ANKRD44: variants seen among roughly 807,000 people sequenced by gnomAD.
ANKRD44 encodes the protein serine/threonine-protein phosphatase 6 regulatory ankyrin repeat subunit B.
A neutral mutation model predicts 116.0 loss-of-function variants in ANKRD44; 35 were observed. That is an observed-to-expected ratio of 0.30 (90% CI 0.23 to 0.40). ANKRD44 has a LOEUF of 0.40. Among genes scored for constraint, ANKRD44 ranks in the 10% least tolerant of loss-of-function variants. The pLI is 1.00. For missense variants in ANKRD44, 1,014 were observed against 1,242.6 expected, an observed-to-expected ratio of 0.82 and a Z score of 2.77; for synonymous variants, 435 against 461.8, an observed-to-expected ratio of 0.94 and a Z score of 0.74.
intron 16 of ANKRD44, among the ~76,000 whole-genome samples, chr2:197,048,979 T>C (rs547124964): frequency 6.6e-6 from 1 of 152,344 alleles, no homozygotes; most frequent in Non-Finnish European, 1.5e-5. Flanking sequence ...TGCATAAATG[T>C]CTTCTTTGGA....
At chr2:197,192,850 T>C (rs974156707) in intron 1 of ANKRD44, among the ~76,000 whole-genome samples, 1 of 152,194 alleles carries the variant, frequency 6.6e-6, no homozygotes, top group African/African-American at 2.4e-5. Context: ...TTAAGTACCA[T>C]AAGGACAATA....
chr2:197,195,982 T>C (rs2080939069), intron 1 of ANKRD44, among the ~76,000 whole-genome samples: 1 of 152,192 alleles, frequency 6.6e-6, no homozygotes, highest in Non-Finnish European at 1.5e-5. Context: ...AGAAAGCTAA[T>C]TTGGGCAAAA....
intron 15 of ANKRD44, among the ~76,000 whole-genome samples, chr2:197,080,887 G>A (rs2077778670): frequency 6.6e-6 from 1 of 152,196 alleles, no homozygotes; most frequent in Non-Finnish European, 1.5e-5. Context: ...GATTCCACAG[G>A]GGTGAGGCAC....
intron 1 of ANKRD44, among the ~76,000 whole-genome samples, chr2:197,215,057 G>A (rs1328578343): frequency 6.6e-6 from 1 of 152,074 alleles, no homozygotes; most frequent in Non-Finnish European, 1.5e-5. Context: ...TGTATTTTTA[G>A]TAGAGACAGG....
At chr2:197,246,175 T>G (rs1249779876) in intron 1 of ANKRD44, among the ~76,000 whole-genome samples, 2 of 151,854 alleles carry the variant, frequency 1.3e-5, no homozygotes, top group African/African-American at 2.4e-5. Context: ...CTCCTAGATT[T>G]TTATTTTTAT....
intron 3 of ANKRD44, among the ~76,000 whole-genome samples, chr2:197,142,321 C>T (rs2079387066): frequency 6.6e-6 from 1 of 152,194 alleles, no homozygotes; most frequent in East Asian, 1.9e-4. Flanking sequence ...TGAAAAATCT[C>T]ACAAGCCAAA....
At chr2:197,101,433 T>C (rs1032550233) in intron 9 of ANKRD44, among the ~76,000 whole-genome samples, 1 of 152,226 alleles carries the variant, frequency 6.6e-6, no homozygotes, top group East Asian at 1.9e-4. Context: ...TACCAGGTGA[T>C]GCAAAGTTTG....
rs764970557 is a variant in ANKRD44, at chr2:197,125,794, T to C, written c.462+43A>G. 1.9e-6 allele frequency: 3 copies of C among 1,594,980 alleles called. No individual in the cohort carries two copies. In the African/African-American group the frequency reaches 4.0e-5, roughly 21 times the overall value. On this transcript the variant is annotated intron_variant, in intron 5 of 27. Transcript: ENST00000282272. ...ATCAGTTTCCACTTGTGGCTGAAAG[T>C]CCTGGAGGGAGCGTTCCAATTCTGA...
At chr2:197,146,764 T>G (rs1269675241) in intron 3 of ANKRD44, among the ~76,000 whole-genome samples, 1 of 152,170 alleles carries the variant, frequency 6.6e-6, no homozygotes, top group East Asian at 1.9e-4. Context: ...CCAAATGTAC[T>G]GAATTCATCT....
chr2:197,251,046 T>C (rs1364097947), intron 1 of ANKRD44: 1 of 152,218 alleles, frequency 6.6e-6, no homozygotes, highest in Non-Finnish European at 1.5e-5. Context: ...TCTTTTAAAA[T>C]GTATTTTATT....
intron 1 of ANKRD44, among the ~76,000 whole-genome samples, chr2:197,245,721 T>C (rs981362372): frequency 6.6e-6 from 1 of 152,206 alleles, no homozygotes; most frequent in Non-Finnish European, 1.5e-5. Flanking sequence ...ACATTCCTTA[T>C]CTCTATGTAT....
At chr2:197,104,502 G>A (rs1460371856) in intron 9 of ANKRD44, among the ~76,000 whole-genome samples, 1 of 152,132 alleles carries the variant, frequency 6.6e-6, no homozygotes, top group Non-Finnish European at 1.5e-5. Flanking sequence ...TTTGAGAAAG[G>A]CTCTGCCCAT....
chr2:197,178,988 T>A (rs2080437300), intron 2 of ANKRD44, among the ~76,000 whole-genome samples: 1 of 152,162 alleles, frequency 6.6e-6, no homozygotes, highest in African/African-American at 2.4e-5. Flanking sequence ...GGAGGATCAC[T>A]TGAGCCCAGG....
chr2:196,987,224 A>G lies in ANKRD44; in HGVS notation c.*2367T>C. On this transcript the variant is annotated 3_prime_UTR_variant, in exon 28 of 28. Transcript: ENST00000282272. Reference sequence around the variant, plus strand: ...GAAAGCATTTTAGCACTGCAAAATCAAACAATTCCTATAGAAAACTTAAGC... The same window carrying G: ...GAAAGCATTTTAGCACTGCAAAATCGAACAATTCCTATAGAAAACTTAAGC... The G allele has an allele frequency of 2.0e-6, 2 of 985,414 alleles. No individual in the cohort carries two copies. The highest frequency in any genetic ancestry group is 2.4e-6 in the Non-Finnish European group (2 of 829,878). The allele number at this position is 985,414 out of a possible 1,614,324, so 61.0% of individuals were successfully genotyped here.
Position 196,989,564 on chromosome 2 carries a change from G to A in ANKRD44, c.*27C>T. The A allele has an allele frequency of 1.3e-6, 2 of 1,548,856 alleles. No individual in the cohort carries two copies. Among genetic ancestry groups the A allele is most frequent in the Non-Finnish European group, 8.7e-7 (1 of 1,146,020 alleles). Reference sequence around the variant, plus strand: ...CACACGCACACATATATGTGTGCATGTGTATGTGCATAATTTTTAAAGAGT... The same window carrying A: ...CACACGCACACATATATGTGTGCATATGTATGTGCATAATTTTTAAAGAGT... On this transcript the variant is annotated 3_prime_UTR_variant, in exon 28 of 28. Coordinates refer to ENST00000282272, the MANE Select transcript of ANKRD44 (RefSeq NM_001195144.2).
At chr2:196,983,307 A>AGCTCACAAAATTTT (rs1444022897), downstream of ANKRD44, among the ~76,000 whole-genome samples, 1 of 152,136 alleles carries the variant, frequency 6.6e-6, no homozygotes, top group African/African-American at 2.4e-5. Context: ...AACTCCTCCC[A>AGCTCACAAAATTTT]GCTCACAAAA....
At chr2:197,094,404 A>G (rs943265817) in intron 10 of ANKRD44, among the ~76,000 whole-genome samples, 1 of 152,354 alleles carries the variant, frequency 6.6e-6, no homozygotes, top group East Asian at 1.9e-4. Flanking sequence ...CATCACGCAC[A>G]TGGAAATCCT....
intron 1 of ANKRD44, among the ~76,000 whole-genome samples, chr2:197,271,553 C>A (rs2082898965): frequency 6.6e-6 from 1 of 152,208 alleles, no homozygotes; most frequent in Non-Finnish European, 1.5e-5. Flanking sequence ...AAATTATATT[C>A]TCTGTTCTAT....
chr2:197,204,706 CA>C (rs750458390), intron 1 of ANKRD44, among the ~76,000 whole-genome samples: 2 of 152,210 alleles, frequency 1.3e-5, no homozygotes, highest in Non-Finnish European at 2.9e-5. Flanking sequence ...CCAAACAAAA[CA>C]CATCTGTGGA....
Sources: gnomAD v4.1 joint callset for allele counts (sites outside exome capture counted in the v4.1 genomes callset) on GRCh38, gnomAD v4.1.1 for gene constraint, MANE v1.5 for transcripts, NCBI Gene and HGNC (gene_info 2026-07-23, HGNC 2026-07-21) for gene names.